MYH7B: variants seen among roughly 807,000 people sequenced by gnomAD.
MYH7B encodes myosin-7B.
In MYH7B, 205 loss-of-function variants were observed where a neutral mutation model predicts 234.5. The observed-to-expected ratio is 0.87, with a 90% CI of 0.78 to 0.98. The LOEUF is 0.98. Among genes scored for constraint, MYH7B ranks in the 50% least tolerant of loss-of-function variants. The pLI is 0.00. For missense variants in MYH7B, 2,652 were observed against 2,633.4 expected, an observed-to-expected ratio of 1.01 and a Z score of -0.15; for synonymous variants, 1,193 against 1,105.0, an observed-to-expected ratio of 1.08 and a Z score of -1.58.
At chr20:34,973,811 G>T (rs571585839) in intron 2 of MYH7B, among the ~76,000 whole-genome samples, 9 of 152,306 alleles carry the variant, frequency 5.9e-5, no homozygotes, top group Admixed American at 5.2e-4. Flanking sequence ...AGGCTGGAGT[G>T]CAGTGGCACG....
rs2082323775 is a variant in MYH7B at position 34,999,306 on chromosome 20, TC to T, written c.4444del (p.Arg1482ValfsTer42). 6.3e-7 allele frequency: 1 copy of T among 1,579,498 alleles called. No homozygotes were observed. On this transcript the variant is annotated frameshift_variant, in exon 36 of 45. Transcript: ENST00000262873. LOFTEE classifies it high-confidence loss of function. ...GGAGCTGGAGGCGGCACAGAGGGAG[TC>T]CCGTGGCCTGGGCACCGAGCTCTTC...
At chr20:34,979,829 GC>G in intron 7 of MYH7B, 25 bp downstream of exon 7, 1 of 1,607,396 alleles carries the variant, frequency 6.2e-7, no homozygotes, top group Non-Finnish European at 8.5e-7. Context: ...CGGGCCATGG[GC>G]GGGGTGGGGC....
intron 30 of MYH7B, 130 bp from the exon 31 acceptor site, chr20:34,996,953 A>AG (rs2082270603): frequency 8.2e-7 from 1 of 1,215,450 alleles, no homozygotes; most frequent in African/African-American, 1.9e-5. Context: ...CTGAGGCCTC[A>AG]GGGCCCAGTG....
At chr20:34,998,719 G>C (rs1007596227) in exon 35 of MYH7B, 1 of 1,611,256 alleles carries the variant, frequency 6.2e-7, no homozygotes, top group Non-Finnish European at 8.5e-7. Context: ...GTCCCTGCAG[G>C]CCAAGAGTGC....
At chr20:34,977,765 T>G (rs528268567) in intron 4 of MYH7B, 85 bp downstream of exon 4, 1 of 1,495,390 alleles carries the variant, frequency 6.7e-7, no homozygotes, top group Non-Finnish European at 9.2e-7. Context: ...TGGCCGCGAG[T>G]CTTCTGAATC....
intron 2 of MYH7B, among the ~76,000 whole-genome samples, chr20:34,960,649 C>T (rs1479424512): frequency 1.3e-5 from 2 of 152,226 alleles, no homozygotes; most frequent in African/African-American, 4.8e-5. Flanking sequence ...ATCACCCTGC[C>T]TCATACTGTT....
At chr20:34,956,709 G>A (rs1000640367) in intron 1 of MYH7B, among the ~76,000 whole-genome samples, 2 of 152,190 alleles carry the variant, frequency 1.3e-5, no homozygotes, top group Non-Finnish European at 2.9e-5. Context: ...GGAGGTAGGG[G>A]TAGAGGTGAG....
rs370367964 is a variant in MYH7B at position 34,981,035 on chromosome 20, C to T, written c.502C>T (p.Arg168Ter). Residue 168 changes from arginine to a stop codon, truncating the protein, a stop_gained and splice_region_variant, in exon 9 of 45, where the codon CGA becomes TGA. Transcript: ENST00000262873. LOFTEE classifies it high-confidence loss of function. ...CTATCCCCTTCCCTTTCCTCCAGAC[C>T]GAGACAACCAGTCCATGCTGATCAC... 1.5e-5 allele frequency: 24 copies of T among 1,613,966 alleles called. 1 individual carries two copies. The highest frequency in any genetic ancestry group is 6.7e-5 in the African/African-American group (5 of 74,894).
At chr20:34,993,062 ACCCAGCC>A (rs769934305) in intron 24 of MYH7B, 33 bp from the exon 25 acceptor site, 2 of 1,591,882 alleles carry the variant, frequency 1.3e-6, no homozygotes, top group Non-Finnish European at 1.7e-6. Context: ...TGTGCCCCAT[ACCCAGCC>A]CTCTCCTGAC....
intron 8 of MYH7B, 67 bp downstream of exon 8, chr20:34,980,801 G>C: frequency 6.3e-7 from 1 of 1,587,656 alleles, no homozygotes; most frequent in Non-Finnish European, 8.6e-7. Flanking sequence ...CCTCTGTAAG[G>C]GACCCCCTTC....
Position 34,997,067 on chromosome 20 carries a change from A to C in MYH7B, c.3267-16A>C, listed in dbSNP as rs1348736209. The C allele has an allele frequency of 6.5e-7, 1 of 1,542,860 alleles. No homozygotes were observed. The stretch of plus-strand genomic sequence containing the variant: ...GAGTTAAGGCCTGTGCTGGCCACCC[A>C]CTCTGTGGCTCCCAGGAAGGACTCC... On this transcript the variant is annotated splice_polypyrimidine_tract_variant and intron_variant, in intron 30 of 44. Coordinates refer to ENST00000262873, the Ensembl canonical transcript of MYH7B.
At chr20:34,966,057 G>A (rs953147750) in intron 2 of MYH7B, among the ~76,000 whole-genome samples, 8 of 151,518 alleles carry the variant, frequency 5.3e-5, no homozygotes, top group Non-Finnish European at 1.0e-4. Flanking sequence ...GAATCCTGAT[G>A]CCTAGGCTGG....
chr20:34,990,323 C>T lies in MYH7B; in HGVS notation c.1977+13C>T. 1 of 1,614,118 alleles carries T rather than the reference C, an allele frequency of 6.2e-7. No individual in the cohort carries two copies. The highest frequency in any genetic ancestry group is 8.5e-7 in the Non-Finnish European group (1 of 1,179,994). ...CCAGCTGCACAAGGTAAGGCCCCAT[C>T]TGGGAGACAGACCCTCCCTCTTGGC... is the stretch of plus-strand genomic sequence containing the variant. On this transcript the variant is annotated intron_variant, in intron 22 of 44. Transcript: ENST00000262873.
rs2147186052 is a variant in MYH7B, at chr20:34,984,197, A to G, written c.625-495A>G. Among the ~76,000 whole-genome samples, 3 of 152,368 alleles carry G rather than the reference A, an allele frequency of 2.0e-5. 1 individual carries two copies. The Middle Eastern group carries it at 0.01, about 518-fold the overall frequency. ...CGCACTGGTAGGTATACAGGCAGACAAACAATGAAGACACACCCAGTTGCA... is the reference window on the plus strand; with the variant it reads ...CGCACTGGTAGGTATACAGGCAGACGAACAATGAAGACACACCCAGTTGCA... On this transcript the variant is annotated intron_variant, in intron 10 of 44. Transcript: ENST00000262873.
chr20:34,987,359 T>C, intron 16 of MYH7B, 72 bp downstream of exon 16: 5 of 1,578,740 alleles, frequency 3.2e-6, no homozygotes, highest in Non-Finnish European at 4.3e-6. Context: ...TAACCCCAAC[T>C]CTTGTCCACA....
intron 9 of MYH7B, chr20:34,981,975 G>T (rs2081948901): frequency 6.4e-6 from 1 of 156,348 alleles, no homozygotes; most frequent in Admixed American, 6.1e-5. Context: ...ATTGCCTGAG[G>T]CCAGGGGTTT....
intron 16 of MYH7B, 48 bp downstream of exon 16, chr20:34,987,335 C>T (rs1172059025): frequency 6.2e-7 from 1 of 1,601,382 alleles, no homozygotes; most frequent in Admixed American, 1.7e-5. Context: ...CCTCAGCATC[C>T]TGTCCATGAT....
chr20:34,975,925 C>G (rs561036333), intron 3 of MYH7B, among the ~76,000 whole-genome samples: 15 of 152,050 alleles, frequency 9.9e-5, no homozygotes, highest in African/African-American at 3.6e-4. Context: ...ACTGTGTTAG[C>G]CAGGATGGTC....
exon 29 of MYH7B, chr20:34,996,406 G>C: frequency 3.7e-6 from 6 of 1,613,040 alleles, no homozygotes; most frequent in Non-Finnish European, 4.2e-6. Context: ...GCTGACCAAG[G>C]AGAAGAAGGC....
Sources: gnomAD v4.1 joint callset for allele counts (sites outside exome capture counted in the v4.1 genomes callset) on GRCh38, gnomAD v4.1.1 for gene constraint, MANE v1.5 for transcripts, NCBI Gene and HGNC (gene_info 2026-07-23, HGNC 2026-07-21) for gene names.